ADD3: variants seen among roughly 807,000 people sequenced by gnomAD.
ADD3 encodes gamma-adducin.
A neutral mutation model predicts 80.2 loss-of-function variants in ADD3; 25 were observed. That is an observed-to-expected ratio of 0.31 (90% CI 0.23 to 0.44). The LOEUF (loss-of-function observed/expected upper bound fraction) is 0.44. Ranked by LOEUF, ADD3 falls within the 20% of genes least tolerant of loss-of-function variation. ADD3 has a pLI of 1.00. For synonymous variants in ADD3, 284 were observed against 289.6 expected, an observed-to-expected ratio of 0.98 and a Z score of 0.20; for missense variants, 829 against 847.5, an observed-to-expected ratio of 0.98 and a Z score of 0.27.
Position 110,125,867 on chromosome 10 carries a change from ACCTAT to A in ADD3, c.1445_1449del (p.Pro482GlnfsTer3). 6.2e-7 allele frequency: 1 copy of A among 1,610,840 alleles called. No homozygotes were observed. ...ACTCATCTAAAGTTAGTGGTGGAAC[ACCTAT>A]CAAAATTGAAGATCCAAATCAGTTT... On this transcript the variant is annotated frameshift_variant, in exon 11 of 15. Transcript: ENST00000356080. LOFTEE classifies it high-confidence loss of function.
At chr10:110,128,742 C>G (rs1852531476) in intron 12 of ADD3, among the ~76,000 whole-genome samples, 1 of 152,122 alleles carries the variant, frequency 6.6e-6, no homozygotes, top group Non-Finnish European at 1.5e-5. Context: ...AATAAGAGTT[C>G]TTATTCCCTG....
intron 1 of ADD3, among the ~76,000 whole-genome samples, chr10:110,029,099 G>C (rs138261905): frequency 6.6e-6 from 1 of 152,100 alleles, no homozygotes; most frequent in Non-Finnish European, 1.5e-5. Context: ...GGCTAGTCTC[G>C]AACTCCCCAC....
chr10:110,042,384 G>A (rs923305070), intron 1 of ADD3, among the ~76,000 whole-genome samples: 39 of 152,092 alleles, frequency 2.6e-4, no homozygotes, highest in Non-Finnish European at 1.9e-4. Context: ...GCATTCAGGG[G>A]GCTTTCCTGG....
chr10:110,029,926 CT>C (rs1170197646), intron 1 of ADD3, among the ~76,000 whole-genome samples: 1 of 152,098 alleles, frequency 6.6e-6, no homozygotes, highest in Admixed American at 6.5e-5. Context: ...ACTTTATTTA[CT>C]TTATTTTAGT....
chr10:110,094,631 A>T (rs1590092094), intron 1 of ADD3, among the ~76,000 whole-genome samples: 1 of 152,016 alleles, frequency 6.6e-6, no homozygotes, highest in African/African-American at 2.4e-5. Flanking sequence ...GTCAATTTCC[A>T]TGTCAGTTGT....
intron 7 of ADD3, 30 bp from the exon 8 acceptor site, chr10:110,119,436 C>G: frequency 6.2e-7 from 1 of 1,613,348 alleles, no homozygotes; most frequent in Admixed American, 1.7e-5. Context: ...CCAGTTATTT[C>G]AAGTGATTGC....
intron 2 of ADD3, among the ~76,000 whole-genome samples, chr10:110,107,073 A>C (rs975960137): frequency 2.6e-5 from 4 of 152,076 alleles, no homozygotes; most frequent in African/African-American, 9.7e-5. Context: ...GAAACTCTTA[A>C]CTTAGTATTA....
At chr10:110,050,338 A>G (rs561290835) in intron 1 of ADD3, among the ~76,000 whole-genome samples, 2 of 152,028 alleles carry the variant, frequency 1.3e-5, no homozygotes, top group South Asian at 2.1e-4. Context: ...CCTCCATACT[A>G]TTCTTATGGT....
chr10:110,088,330 G>T (rs1455935103), intron 1 of ADD3, among the ~76,000 whole-genome samples: 1 of 152,138 alleles, frequency 6.6e-6, no homozygotes, highest in East Asian at 1.9e-4. Context: ...AATCCGTTTT[G>T]AGAAACAGAT....
At chr10:110,106,837 A>G (rs1471927477) in intron 2 of ADD3, among the ~76,000 whole-genome samples, 1 of 152,128 alleles carries the variant, frequency 6.6e-6, no homozygotes, top group African/African-American at 2.4e-5. Flanking sequence ...ATGGCTTTTT[A>G]AAAGTTTATA....
intron 1 of ADD3, among the ~76,000 whole-genome samples, chr10:110,023,821 T>C (rs1853967717): frequency 1.3e-5 from 2 of 152,226 alleles, no homozygotes; most frequent in African/African-American, 4.8e-5. Flanking sequence ...AATAGTCTTT[T>C]TGTTTACAAA....
intron 1 of ADD3, among the ~76,000 whole-genome samples, chr10:110,085,143 C>T (rs1323989902): frequency 6.6e-6 from 1 of 152,078 alleles, no homozygotes; most frequent in African/African-American, 2.4e-5. Context: ...TTTTAGAATT[C>T]TTGTTCATAT....
chr10:109,996,732 A>C (rs771846201), intron 1 of ADD3, among the ~76,000 whole-genome samples: 1 of 152,196 alleles, frequency 6.6e-6, no homozygotes, highest in Non-Finnish European at 1.5e-5. Flanking sequence ...AGTATCTGGG[A>C]GGGCTTAGTA....
intron 1 of ADD3, among the ~76,000 whole-genome samples, chr10:110,019,124 T>A (rs1853348849): frequency 6.6e-6 from 1 of 152,228 alleles, no homozygotes; most frequent in Non-Finnish European, 1.5e-5. Context: ...TGTCAATGTC[T>A]GTTATATAAC....
chr10:110,116,404 T>C lies in ADD3; in HGVS notation c.480T>C (p.Tyr160=). The change falls in exon 4 of 15, where the codon TAT becomes TAC. Residue 160 remains tyrosine (Y), a synonymous_variant. Coordinates refer to ENST00000356080, the MANE Select transcript of ADD3 (RefSeq NM_016824.5). ...GATGGGCACACCTGGCAAATACCTATATCTCAGTGAGTTCTTCAGCTTTCA... is the reference window on the plus strand; with the variant it reads ...GATGGGCACACCTGGCAAATACCTACATCTCAGTGAGTTCTTCAGCTTTCA... ...LFGWAHLANT[Y]ISVRISKEQD... 6.2e-7 allele frequency: 1 copy of C among 1,613,990 alleles called. No homozygotes were observed. The highest frequency in any genetic ancestry group is 8.5e-7 in the Non-Finnish European group (1 of 1,179,926).
intron 1 of ADD3, among the ~76,000 whole-genome samples, chr10:110,062,684 G>T (rs955571208): frequency 3.9e-5 from 6 of 152,184 alleles, no homozygotes; most frequent in African/African-American, 1.4e-4. Context: ...AATTAGTGAA[G>T]AAGACAAAAT....
chr10:110,095,309 A>G (rs1189074923), intron 1 of ADD3, among the ~76,000 whole-genome samples: 1 of 152,244 alleles, frequency 6.6e-6, no homozygotes, highest in Non-Finnish European at 1.5e-5. Context: ...TTGTACAACT[A>G]TCACCACAAT....
intron 1 of ADD3, among the ~76,000 whole-genome samples, chr10:110,027,976 G>T (rs1217194825): frequency 6.6e-6 from 1 of 152,102 alleles, no homozygotes; most frequent in Non-Finnish European, 1.5e-5. Flanking sequence ...AGAAAAGTTG[G>T]GACAGGTTTT....
At chr10:110,080,684 G>A (rs563380930) in intron 1 of ADD3, among the ~76,000 whole-genome samples, 3 of 152,288 alleles carry the variant, frequency 2.0e-5, no homozygotes, top group South Asian at 4.1e-4. Context: ...CAGTGAGTCC[G>A]ACCATTCAGA....
Sources: gnomAD v4.1 joint callset for allele counts (sites outside exome capture counted in the v4.1 genomes callset) on GRCh38, gnomAD v4.1.1 for gene constraint, MANE v1.5 for transcripts, NCBI Gene and HGNC (gene_info 2026-07-23, HGNC 2026-07-21) for gene names.